Variants in PSD3 observed in about 807,000 individuals in gnomAD.
PSD3 encodes PH and SEC7 domain-containing protein 3.
Under a neutral mutation model 105.5 loss-of-function variants are expected in PSD3, and 49 were observed. That is an observed-to-expected ratio of 0.46 (90% CI 0.37 to 0.59). The LOEUF is 0.59. Among genes scored for constraint, PSD3 ranks in the 20% least tolerant of loss-of-function variants. The pLI, the probability that PSD3 is intolerant of heterozygous loss-of-function variation, is 0.00. For missense variants in PSD3, 1,561 were observed against 1,263.8 expected (o/e 1.24, Z -3.57); for synonymous variants, 557 against 457.8 (o/e 1.22, Z -2.77).
chr8:18,555,767 A>T (rs1281767697), intron 15 of PSD3, among the ~76,000 whole-genome samples: 2 of 152,148 alleles, frequency 1.3e-5, no homozygotes. Flanking sequence ...AAGAAGAAAA[A>T]CGCATAGTGT....
Position 18,960,063 on chromosome 8 carries a change from CT to C in PSD3, c.22-23922del, listed in dbSNP as rs1823818069. ...ACCCATTATCGATTCCTTGGAATTCCTAGGGAACCTAATGCCTGGGCACTGT... is the reference window on the plus strand; with the variant it reads ...ACCCATTATCGATTCCTTGGAATTCCAGGGAACCTAATGCCTGGGCACTGT... On this transcript the variant is annotated intron_variant, in intron 1 of 15. Coordinates refer to ENST00000327040, the MANE Select transcript of PSD3 (RefSeq NM_015310.4). Among the ~76,000 whole-genome samples the C allele has an allele frequency of 4.6e-5, 7 of 152,260 alleles. No individual in the cohort carries two copies. In the South Asian group the frequency reaches 1.2e-3, roughly 27 times the overall value.
chr8:18,977,787 T>C (rs563183178), intron 1 of PSD3, among the ~76,000 whole-genome samples: 11 of 152,194 alleles, frequency 7.2e-5, no homozygotes, highest in Non-Finnish European at 1.5e-4. Flanking sequence ...TTATAAATTA[T>C]TTATATTTTC....
chr8:18,553,597 T>C (rs562375013), intron 15 of PSD3, among the ~76,000 whole-genome samples: 2 of 152,320 alleles, frequency 1.3e-5, no homozygotes, highest in Admixed American at 6.5e-5. Flanking sequence ...GCTCAGGGAA[T>C]GCTGCTTATG....
chr8:18,725,288 G>A (rs544749509), intron 9 of PSD3, among the ~76,000 whole-genome samples: 35 of 152,142 alleles, frequency 2.3e-4, no homozygotes, highest in Non-Finnish European at 2.5e-4. Flanking sequence ...GTCAGCTTTT[G>A]GAAGAGGGGC....
chr8:18,687,852 C>T (rs537362990), intron 9 of PSD3, among the ~76,000 whole-genome samples: 12 of 152,172 alleles, frequency 7.9e-5, no homozygotes, highest in Middle Eastern at 3.4e-3. Context: ...CTGTAACCTC[C>T]GCCTCCCGGG....
At chr8:18,868,618 T>A (rs892351242) in intron 3 of PSD3, among the ~76,000 whole-genome samples, 3 of 151,964 alleles carry the variant, frequency 2.0e-5, no homozygotes, top group African/African-American at 7.3e-5. Flanking sequence ...CAAAATTAGA[T>A]AGCCAATTAA....
intron 15 of PSD3, among the ~76,000 whole-genome samples, chr8:18,549,133 A>G (rs1232961075): frequency 6.6e-6 from 1 of 151,122 alleles, no homozygotes; most frequent in Non-Finnish European, 1.5e-5. Context: ...GACATAGATA[A>G]AGTGAAACTG....
chr8:19,073,437 G>A (rs1829337457), intron 1 of PSD3, among the ~76,000 whole-genome samples: 1 of 151,500 alleles, frequency 6.6e-6, no homozygotes, highest in Admixed American at 6.6e-5. Flanking sequence ...TGTAATCCCA[G>A]CTACTTGGGA....
At chr8:18,845,284 C>T (rs751873220) in intron 4 of PSD3, among the ~76,000 whole-genome samples, 13 of 152,148 alleles carry the variant, frequency 8.5e-5, no homozygotes, top group African/African-American at 2.2e-4. Context: ...GCGAGAGGAA[C>T]GGCTGTCATC....
chr8:18,672,002 A>G (rs902227749), intron 9 of PSD3, among the ~76,000 whole-genome samples: 5 of 152,202 alleles, frequency 3.3e-5, no homozygotes, highest in Non-Finnish European at 7.3e-5. Context: ...AAACTTGTCT[A>G]GTTTAGACAG....
At chr8:18,866,943 G>C (rs1484639683) in intron 4 of PSD3, among the ~76,000 whole-genome samples, 1 of 151,636 alleles carries the variant, frequency 6.6e-6, no homozygotes, top group Non-Finnish European at 1.5e-5. Flanking sequence ...TCATAAAATT[G>C]TCACAGGTAG....
At chr8:18,620,583 C>G (rs1038762554) in intron 11 of PSD3, among the ~76,000 whole-genome samples, 1 of 151,958 alleles carries the variant, frequency 6.6e-6, no homozygotes, top group African/African-American at 2.4e-5. Flanking sequence ...ACAGCACATT[C>G]CTGTGGTCCC....
chr8:18,838,609 G>A (rs762653174), intron 4 of PSD3, among the ~76,000 whole-genome samples: 35 of 151,814 alleles, frequency 2.3e-4, no homozygotes, highest in Non-Finnish European at 1.6e-4. Flanking sequence ...AGACCATCCT[G>A]GTTCACATGG....
At chr8:18,901,707 G>C (rs1239375364) in intron 2 of PSD3, among the ~76,000 whole-genome samples, 1 of 152,148 alleles carries the variant, frequency 6.6e-6, no homozygotes, top group East Asian at 1.9e-4. Context: ...CTTTTTGTAA[G>C]GTTGGCCTAG....
chr8:18,686,484 ACT>A (rs778421504), intron 9 of PSD3, among the ~76,000 whole-genome samples: 28 of 151,982 alleles, frequency 1.8e-4, no homozygotes, highest in Non-Finnish European at 4.0e-4. Context: ...CCTGCCTTTT[ACT>A]CTCTGTTGCA....
chr8:18,665,538 T>A (rs1395688471), intron 9 of PSD3, among the ~76,000 whole-genome samples: 1 of 152,156 alleles, frequency 6.6e-6, no homozygotes, highest in African/African-American at 2.4e-5. Flanking sequence ...TGAACACTGT[T>A]AAAATGACAA....
At chr8:18,882,469 T>G (rs991317193) in intron 2 of PSD3, among the ~76,000 whole-genome samples, 2 of 152,132 alleles carry the variant, frequency 1.3e-5, no homozygotes, top group African/African-American at 4.8e-5. Context: ...CAAGAGCAAC[T>G]TGGCCTCTGT....
At chr8:18,576,489 C>A (rs535679605) in intron 12 of PSD3, among the ~76,000 whole-genome samples, 1 of 152,228 alleles carries the variant, frequency 6.6e-6, no homozygotes, top group African/African-American at 2.4e-5. Flanking sequence ...CTAATTCCCA[C>A]TAATTCATAA....
chr8:19,028,713 G>T (rs1238654515), intron 1 of PSD3, among the ~76,000 whole-genome samples: 1 of 151,958 alleles, frequency 6.6e-6, no homozygotes, highest in Non-Finnish European at 1.5e-5. Context: ...TGCCATTTTT[G>T]TTTATGGTTT....
Sources: allele counts gnomAD v4.1 joint callset (sites outside exome capture counted in the v4.1 genomes callset), GRCh38; gene constraint gnomAD v4.1.1; transcripts MANE v1.5; gene names NCBI Gene and HGNC (gene_info 2026-07-23, HGNC 2026-07-21).